The following SLC35B3 variants were observed in gnomAD, a reference collection of about 807,000 sequenced individuals.
The protein encoded by SLC35B3 is solute carrier family 35 member B3, also known as adenosine 3'-phospho 5'-phosphosulfate transporter 2.
In SLC35B3, 35 loss-of-function variants were observed where a neutral mutation model predicts 44.1. The observed-to-expected ratio is 0.79, with a 90% CI of 0.61 to 1.05. The LOEUF (loss-of-function observed/expected upper bound fraction) is 1.05, where lower values mean the gene tolerates loss of function less well. Among genes scored for constraint, SLC35B3 ranks in the 50% least tolerant of loss-of-function variants. SLC35B3 has a pLI of 0.00. For missense variants in SLC35B3, 414 were observed against 476.4 expected (o/e 0.87, Z 1.22); for synonymous variants, 146 against 167.3 (o/e 0.87, Z 0.98).
rs968799001 is a variant in SLC35B3 at position 8,415,063 on chromosome 6, G to C, written c.986-86C>G. The C allele has an allele frequency of 7.2e-6, 6 of 827,774 alleles. No individual in the cohort carries two copies. In the Admixed American group the frequency reaches 1.1e-4, roughly 15 times the overall value. The allele number at this position is 827,774 out of a possible 1,614,324, so 51.3% of individuals were successfully genotyped here. A position where few individuals can be genotyped will look rare whatever the true frequency, so the allele number is the denominator to read the frequency against. ...ACTTATTCAGCAAATATTTAGACCT[G>C]ACTATATGCCAGAATCTGTTGAGGT... On this transcript the variant is annotated intron_variant, in intron 9 of 10. Transcript: ENST00000644923.
At chr6:8,418,371 T>C (rs1228761411) in intron 7 of SLC35B3, among the ~76,000 whole-genome samples, 1 of 152,094 alleles carries the variant, frequency 6.6e-6, no homozygotes, top group Admixed American at 6.6e-5. Flanking sequence ...AGTTGCCCCA[T>C]TCTGTGTCAA....
intron 2 of SLC35B3, among the ~76,000 whole-genome samples, chr6:8,431,805 TGAGCATG>T (rs1243283234): frequency 6.6e-6 from 1 of 152,204 alleles, no homozygotes; most frequent in Non-Finnish European, 1.5e-5. Context: ...TTTCTATGTG[TGAGCATG>T]GATATAGTGC....
In SLC35B3 at chr6:8,434,397, C is replaced by T. The variant is rs772321008; in HGVS notation, c.-10G>A. The T allele has an allele frequency of 5.0e-5, 81 of 1,612,698 alleles. No homozygotes were observed. Among genetic ancestry groups the T allele is most frequent in the Non-Finnish European group, 6.8e-5 (80 of 1,179,254 alleles). ...AAAAGAATCTTACCATGCCATTATG[C>T]CTTGATTAACTGCGCTCCGGAATCA... is the stretch of plus-strand genomic sequence containing the variant. On this transcript the variant is annotated 5_prime_UTR_variant, in exon 2 of 11. Transcript: ENST00000644923. This position sits in a 1 kb window ranked among gnomAD's most constrained non-coding sequence, Gnocchi z 6.3.
rs3839490 is a variant in SLC35B3, at chr6:8,417,675, GC to G, written c.781-182del. 4.6e-5 allele frequency among the ~76,000 whole-genome samples: 7 copies of G among 151,956 alleles called. No individual in the cohort carries two copies. The East Asian group carries it at 1.4e-3, about 29-fold the overall frequency. ...TGATTCTAATGTTTTATAAGTCTATGCCTCATTTTATGTACAAAATAACACC... is the reference window on the plus strand; with the variant it reads ...TGATTCTAATGTTTTATAAGTCTATGCTCATTTTATGTACAAAATAACACC... On this transcript the variant is annotated intron_variant, in intron 7 of 10. Transcript: ENST00000644923.
At position 8,412,261 on chromosome 6, in the gene SLC35B3, C is replaced by T. The variant is rs2113203383; in HGVS notation, c.*1288G>A. 6.6e-6 allele frequency among the ~76,000 whole-genome samples: 1 copy of T among 152,230 alleles called. No homozygotes were observed. Among genetic ancestry groups the T allele is most frequent in the Non-Finnish European group, 1.5e-5 (1 of 68,022 alleles). On this transcript the variant is annotated 3_prime_UTR_variant, in exon 11 of 11. Transcript: ENST00000644923. ...TAAATTTCCATTGTTTATGAGCTAC[C>T]CACTTATGGTATTTTATATAGCAGC... is the stretch of plus-strand genomic sequence containing the variant.
rs1327158461 is a variant in SLC35B3 at position 8,435,280 on chromosome 6, G to A, written c.-44+63C>T. 2.3e-6 allele frequency: 3 copies of A among 1,289,236 alleles called. No homozygotes were observed. The highest frequency in any genetic ancestry group is 3.0e-6 in the Non-Finnish European group (3 of 988,880). The allele number at this position is 1,289,236 out of a possible 1,614,324, so 79.9% of individuals were successfully genotyped here. The stretch of plus-strand genomic sequence containing the variant: ...GGATGAGGAAGATGGGCAGTGTCAA[G>A]GTTTTCTGGAGGAGAGGAGATCTGG... On this transcript the variant is annotated intron_variant, in intron 1 of 10. Coordinates refer to ENST00000644923, the MANE Select transcript of SLC35B3 (RefSeq NM_001370476.2). The surrounding 1 kb of genome is among the most constrained non-coding windows in gnomAD (Gnocchi z 5.5).
chr6:8,415,086 G>A (rs765748810), intron 9 of SLC35B3, 109 bp from the exon 9 acceptor site: 49 of 593,610 alleles, frequency 8.3e-5, no homozygotes, highest in Non-Finnish European at 1.4e-4. Context: ...AATCTGTTGA[G>A]GTGCCAAGGT....
At chr6:8,422,650 T>G in intron 4 of SLC35B3, 26 bp from the exon 4 acceptor site, 1 of 1,581,528 alleles carries the variant, frequency 6.3e-7, no homozygotes, top group East Asian at 2.2e-5. Flanking sequence ...TTTAAAACCT[T>G]CATTTTGGGA....
intron 9 of SLC35B3, among the ~76,000 whole-genome samples, chr6:8,416,665 A>G (rs1762438486): frequency 6.6e-6 from 1 of 152,214 alleles, no homozygotes. Flanking sequence ...ATAAATGTAT[A>G]TGTTTGATTT....
At chr6:8,430,221 C>G in intron 2 of SLC35B3, 64 bp from the exon 2 acceptor site, 1 of 1,341,932 alleles carries the variant, frequency 7.5e-7, no homozygotes, top group Non-Finnish European at 1.0e-6. Flanking sequence ...AAATAATATT[C>G]CAAATCATAC....
At chr6:8,430,249 G>T in intron 2 of SLC35B3, 92 bp from the exon 2 acceptor site, 1 of 1,178,970 alleles carries the variant, frequency 8.5e-7, no homozygotes, top group Non-Finnish European at 1.2e-6. Context: ...TTATACAAAT[G>T]TCTGCTTCTC....
Position 8,433,493 on chromosome 6 carries a change from C to G in SLC35B3, c.3+892G>C, listed in dbSNP as rs1764185771. 6.6e-6 allele frequency among the ~76,000 whole-genome samples: 1 copy of G among 152,166 alleles called. No individual in the cohort carries two copies. The highest frequency in any genetic ancestry group is 6.5e-5 in the Admixed American group (1 of 15,278). ...GGACTCTACCACAGTTTAGCAAGCACCATTTATTTAATCAACGTTATTCAG... is the reference window on the plus strand; with the variant it reads ...GGACTCTACCACAGTTTAGCAAGCAGCATTTATTTAATCAACGTTATTCAG... On this transcript the variant is annotated intron_variant, in intron 2 of 10. Transcript: ENST00000644923. The surrounding 1 kb of genome is among the most constrained non-coding windows in gnomAD (Gnocchi z 4.1).
intron 7 of SLC35B3, among the ~76,000 whole-genome samples, chr6:8,418,633 GTTA>G (rs936966013): frequency 6.7e-6 from 1 of 149,658 alleles, no homozygotes; most frequent in Non-Finnish European, 1.5e-5. Context: ...ACTTTAATAA[GTTA>G]TTATTAACAA....
In SLC35B3 at chr6:8,420,183, T is replaced by G. The variant is rs1762772464; in HGVS notation, c.683-506A>C. 6.6e-6 allele frequency among the ~76,000 whole-genome samples: 1 copy of G among 152,164 alleles called. No homozygotes were observed. The highest frequency in any genetic ancestry group is 1.5e-5 in the Non-Finnish European group (1 of 68,026). On this transcript the variant is annotated intron_variant, in intron 6 of 10. Transcript: ENST00000644923. This position sits in a 1 kb window ranked among gnomAD's most constrained non-coding sequence, Gnocchi z 4.4. ...AGCATGGGTCCTGAATAGAATTCCA[T>G]ATTTTCTCCTTTGTATAAACACACT...
Position 8,420,725 on chromosome 6 carries a change from C to A in SLC35B3, c.678G>T (p.Leu226=). 6.2e-7 allele frequency: 1 copy of A among 1,609,082 alleles called. No individual in the cohort carries two copies. The highest frequency in any genetic ancestry group is 8.5e-7 in the Non-Finnish European group (1 of 1,176,546). ...GAATATAAATAAATTACTTACCCGT[C>A]AGGTTGAAATTTGGTGCAGTTGTGC... The change falls in exon 6 of 11, where the codon CTG becomes CTT. Residue 226 remains leucine (L), a synonymous_variant. Coordinates refer to ENST00000644923, the MANE Select transcript of SLC35B3 (RefSeq NM_001370476.2). The surrounding 1 kb of genome is among the most constrained non-coding windows in gnomAD (Gnocchi z 4.4).
Position 8,413,699 on chromosome 6 carries a change from C to A in SLC35B3, c.1056G>T (p.Gln352His), listed in dbSNP as rs537241906. The change falls in exon 11 of 11, where the codon CAG becomes CAT. Residue 352 changes from glutamine to histidine, a missense_variant and splice_region_variant. Gln to His is a conservative substitution (Grantham distance 24). Coordinates refer to ENST00000644923, the MANE Select transcript of SLC35B3 (RefSeq NM_001370476.2). ...CAACTAACAAACCAGACCATACATA[C>A]CTAAGAGAAAGAAATAAGGAAAAAA... The A allele has an allele frequency of 2.0e-6, 3 of 1,502,712 alleles. No individual in the cohort carries two copies. The East Asian group carries it at 6.9e-5, about 35-fold the overall frequency. 93.1% of individuals were successfully genotyped at this position (1,502,712 alleles called of 1,614,324 possible). A position where few individuals can be genotyped will look rare whatever the true frequency, so the allele number is the denominator to read the frequency against.
Position 8,425,173 on chromosome 6 carries a change from G to A in SLC35B3, c.420-2549C>T, listed in dbSNP as rs531402639. Among the ~76,000 whole-genome samples, 17 of 152,238 alleles carry A rather than the reference G, an allele frequency of 1.1e-4. No homozygotes were observed. The South Asian group carries it at 2.5e-3, about 22-fold the overall frequency. On this transcript the variant is annotated intron_variant, in intron 4 of 10. Coordinates refer to ENST00000644923, the MANE Select transcript of SLC35B3 (RefSeq NM_001370476.2). Reference sequence around the variant, plus strand: ...GCTTGAGGCCCCCTCCCCTCTCATCGGGGTAGCTGATAGGGAGGTGTTTCT... The same window carrying A: ...GCTTGAGGCCCCCTCCCCTCTCATCAGGGTAGCTGATAGGGAGGTGTTTCT...
rs767268440 is a variant in SLC35B3, at chr6:8,422,477, A to AAAAACTCCTCCTAGCATAACAGGAT, written c.566_567insATCCTGTTATGCTAGGAGGAGTTTT (p.Phe189LeufsTer16). 5 of 1,612,050 alleles carry AAAAACTCCTCCTAGCATAACAGGAT rather than the reference A, an allele frequency of 3.1e-6. No individual in the cohort carries two copies. ...AACATATCATTACTATACCTTGAAT[A>AAAAACTCCTCCTAGCATAACAGGAT]AAAACTCCTCCTAGCATAACAGGAA... On this transcript the variant is annotated frameshift_variant, in exon 5 of 11. Transcript: ENST00000644923. LOFTEE classifies it high-confidence loss of function.
chr6:8,419,477 GT>G lies in SLC35B3; in HGVS notation c.780+102del. On this transcript the variant is annotated intron_variant, in intron 7 of 10. Coordinates refer to ENST00000644923, the MANE Select transcript of SLC35B3 (RefSeq NM_001370476.2). The surrounding 1 kb of genome is among the most constrained non-coding windows in gnomAD (Gnocchi z 4.3). Reference sequence around the variant, plus strand: ...GAATGTATTACTTTTGTAAAAATGAGTTTAAAAATGCAATGCTAGTTATAAT... The same window carrying G: ...GAATGTATTACTTTTGTAAAAATGAGTTAAAAATGCAATGCTAGTTATAAT... 7 of 577,754 alleles carry G rather than the reference GT, an allele frequency of 1.2e-5. No individual in the cohort carries two copies. The highest frequency in any genetic ancestry group is 2.0e-5 in the Non-Finnish European group (7 of 341,912). 35.8% of individuals were successfully genotyped at this position (577,754 alleles called of 1,614,324 possible).
Sources: gnomAD v4.1 joint callset for allele counts (sites outside exome capture counted in the v4.1 genomes callset) on GRCh38, gnomAD v4.1.1 for gene constraint, Gnocchi (gnomAD v3.1) non-coding constraint, MANE v1.5 for transcripts, NCBI Gene and HGNC (gene_info 2026-07-23, HGNC 2026-07-21) for gene names.